The following PPP1R7 variants were observed in gnomAD, a reference collection of about 807,000 sequenced individuals.
The protein encoded by PPP1R7 is protein phosphatase 1 regulatory subunit 22.
PPP1R7 carries 18 observed loss-of-function variants against 45.2 expected under a neutral mutation model. The observed-to-expected ratio is 0.40, with a 90% CI of 0.28 to 0.59. The LOEUF (loss-of-function observed/expected upper bound fraction) is 0.59, where lower values mean the gene tolerates loss of function less well. Among genes scored for constraint, PPP1R7 ranks in the 20% least tolerant of loss-of-function variants. The probability of loss-of-function intolerance (pLI) is 0.46; values close to 1 mark genes in which losing one functional copy is unlikely to be tolerated. For missense variants in PPP1R7, 314 were observed against 455.8 expected (o/e 0.69, Z 2.83); for synonymous variants, 181 against 183.4 (o/e 0.99, Z 0.11).
At chr2:241,178,225 A>T (rs1236346805) in intron 9 of PPP1R7, among the ~76,000 whole-genome samples, 1 of 152,156 alleles carries the variant, frequency 6.6e-6, no homozygotes, top group Non-Finnish European at 1.5e-5. Context: ...CAGTCTAGTG[A>T]TGGCCATTTC....
At chr2:241,168,437 G>T (rs1023953770) in intron 8 of PPP1R7, among the ~76,000 whole-genome samples, 6 of 152,200 alleles carry the variant, frequency 3.9e-5, no homozygotes, top group African/African-American at 1.4e-4. Flanking sequence ...AGAGTGCGGG[G>T]GAGAGCTGCC....
At chr2:241,181,434 C>T (rs184505317) in intron 9 of PPP1R7, among the ~76,000 whole-genome samples, 147 of 152,066 alleles carry the variant, frequency 9.7e-4, no homozygotes, top group African/African-American at 3.3e-3. Flanking sequence ...AGTTCCAGCG[C>T]GAGCCCCGTG....
intron 6 of PPP1R7, among the ~76,000 whole-genome samples, chr2:241,163,010 G>A (rs2067628693): frequency 6.6e-6 from 1 of 152,148 alleles, no homozygotes; most frequent in South Asian, 2.1e-4. Context: ...AGAACTGGAA[G>A]GGACTTGGGA....
chr2:241,163,175 C>G, intron 6 of PPP1R7, 110 bp from the exon 7 acceptor site: 1 of 687,822 alleles, frequency 1.5e-6, no homozygotes, highest in Non-Finnish European at 2.6e-6. Context: ...TCACTAGCCC[C>G]ACATCGCAGA....
At chr2:241,157,496 C>T (rs1195858415) in intron 2 of PPP1R7, among the ~76,000 whole-genome samples, 2 of 152,228 alleles carry the variant, frequency 1.3e-5, no homozygotes, top group Admixed American at 1.3e-4. Context: ...ACTTCCTCCC[C>T]TCCTTCCCAC....
rs2068028609 is a variant in PPP1R7 at position 241,182,838 on chromosome 2, C to T, written c.*15C>T. On this transcript the variant is annotated 3_prime_UTR_variant, in exon 10 of 10. Transcript: ENST00000234038. ...TCAGGTTCTGAGTCCTTCTTGGCTCCTCATGTGGTCCCTCTCCTCGGAAGA... is the reference window on the plus strand; with the variant it reads ...TCAGGTTCTGAGTCCTTCTTGGCTCTTCATGTGGTCCCTCTCCTCGGAAGA... The T allele has an allele frequency of 1.2e-6, 2 of 1,601,466 alleles. No homozygotes were observed. Among genetic ancestry groups the T allele is most frequent in the Non-Finnish European group, 1.7e-6 (2 of 1,169,580 alleles).
rs535866584 is a variant in PPP1R7, at chr2:241,172,371, G to A, written c.906+2504G>A. On this transcript the variant is annotated intron_variant, in intron 9 of 9. Coordinates refer to ENST00000234038, the MANE Select transcript of PPP1R7 (RefSeq NM_002712.3). ...TAAAGAAATTTAAAAATGGCCAGGC[G>A]CAGTGGCTCATGCCTGTAATCCTAG... Among the ~76,000 whole-genome samples the A allele has an allele frequency of 3.5e-4, 53 of 152,150 alleles. No individual in the cohort carries two copies. In the South Asian group the frequency reaches 7.3e-3, roughly 21 times the overall value.
chr2:241,154,118 T>G (rs2067387629), intron 2 of PPP1R7, among the ~76,000 whole-genome samples: 1 of 135,258 alleles, frequency 7.4e-6, no homozygotes, highest in African/African-American at 2.9e-5. Context: ...AGGTGGAGGT[T>G]GCAGTGAGCC....
At chr2:241,178,389 C>T (rs2067942676) in intron 9 of PPP1R7, among the ~76,000 whole-genome samples, 1 of 151,496 alleles carries the variant, frequency 6.6e-6, no homozygotes, top group Non-Finnish European at 1.5e-5. Flanking sequence ...GAGATTCTAT[C>T]AATGAATGAT....
upstream of PPP1R7, chr2:241,150,309 G>C (rs2067225744): frequency 3.0e-6 from 4 of 1,335,780 alleles, no homozygotes; most frequent in Admixed American, 3.9e-5. Context: ...TACCTGCTCT[G>C]GGGGAGGCGC....
intron 9 of PPP1R7, 89 bp downstream of exon 9, chr2:241,169,956 C>T (rs2067785748): frequency 9.0e-7 from 1 of 1,116,504 alleles, no homozygotes. Flanking sequence ...CAAGAATCTC[C>T]TGTAAGCCTT....
At chr2:241,158,239 A>G (rs2067504568) in intron 3 of PPP1R7, among the ~76,000 whole-genome samples, 1 of 152,326 alleles carries the variant, frequency 6.6e-6, no homozygotes, top group South Asian at 2.1e-4. Flanking sequence ...TTGTGCATAC[A>G]GGATCTAAGG....
chr2:241,163,274 C>G lies in PPP1R7; in HGVS notation c.598-11C>G, dbSNP rs754592968. The G allele has an allele frequency of 6.3e-7, 1 of 1,589,098 alleles. No homozygotes were observed. Among genetic ancestry groups the G allele is most frequent in the Non-Finnish European group, 8.6e-7 (1 of 1,157,370 alleles). On this transcript the variant is annotated splice_polypyrimidine_tract_variant and intron_variant, in intron 6 of 9. Coordinates refer to ENST00000234038, the MANE Select transcript of PPP1R7 (RefSeq NM_002712.3). The stretch of plus-strand genomic sequence containing the variant: ...ACTGCAGTACTCATTGCTGTTCTGT[C>G]CTTTCCACAGGCAATCGAAAATATC...
intron 9 of PPP1R7, among the ~76,000 whole-genome samples, chr2:241,173,934 G>A (rs1174896641): frequency 1.4e-5 from 2 of 143,478 alleles, no homozygotes; most frequent in Non-Finnish European, 3.0e-5. Context: ...TTTTTTGGTA[G>A]ATTATTTTTC....
intron 9 of PPP1R7, among the ~76,000 whole-genome samples, chr2:241,176,913 C>G (rs2067918349): frequency 6.6e-6 from 1 of 152,206 alleles, no homozygotes; most frequent in Admixed American, 6.5e-5. Flanking sequence ...TACAAGTTTT[C>G]TGTAGGGCAT....
intron 3 of PPP1R7, 156 bp from the exon 4 acceptor site, chr2:241,158,328 C>G: frequency 1.5e-6 from 1 of 662,312 alleles, no homozygotes; most frequent in Non-Finnish European, 2.7e-6. Context: ...AGCCAAAGAG[C>G]CCCCGCAGCA....
At chr2:241,149,972 G>A, upstream of PPP1R7, 2 of 1,422,054 alleles carry the variant, frequency 1.4e-6, no homozygotes, top group South Asian at 3.0e-5. Context: ...TAAAATCCGC[G>A]CGGGGACGCC....
At chr2:241,163,425 T>C (rs1370100110) in intron 7 of PPP1R7, 24 bp downstream of exon 7, 1 of 1,532,468 alleles carries the variant, frequency 6.5e-7, no homozygotes, top group Non-Finnish European at 9.0e-7. Context: ...TGAGCCGCCC[T>C]TCCCTGCGAG....
chr2:241,153,936 C>T (rs2067381461), intron 2 of PPP1R7, among the ~76,000 whole-genome samples: 1 of 152,082 alleles, frequency 6.6e-6, no homozygotes, highest in Non-Finnish European at 1.5e-5. Flanking sequence ...AATCCCAGCA[C>T]TTTGGAAGGC....
Sources: allele counts gnomAD v4.1 joint callset (sites outside exome capture counted in the v4.1 genomes callset), GRCh38; gene constraint gnomAD v4.1.1; transcripts MANE v1.5; gene names NCBI Gene and HGNC (gene_info 2026-07-23, HGNC 2026-07-21).